PLXDC2: variants seen among roughly 807,000 people sequenced by gnomAD.
PLXDC2 encodes plexin domain containing 2, also known as plexin domain-containing protein 2.
In PLXDC2, 40 loss-of-function variants were observed where a neutral mutation model predicts 68.9. The ratio of observed to expected loss-of-function variants is 0.58; its 90% CI spans 0.45 to 0.76. PLXDC2 has a LOEUF of 0.76. PLXDC2 is among the 30% of genes least tolerant of loss of function. PLXDC2 has a pLI of 0.00. For synonymous variants in PLXDC2, 243 were observed against 234.2 expected, an observed-to-expected ratio of 1.04 and a Z score of -0.34; for missense variants, 644 against 661.9, an observed-to-expected ratio of 0.97 and a Z score of 0.30.
At chr10:20,168,337 G>C (rs1169289262) in intron 7 of PLXDC2, among the ~76,000 whole-genome samples, 1 of 152,102 alleles carries the variant, frequency 6.6e-6, no homozygotes, top group Non-Finnish European at 1.5e-5. Context: ...TTACCTAGCA[G>C]AGAGTAAGTA....
chr10:19,883,895 T>TTTTTTTTTTTTTTTTTTTTTTTTTTTTA (rs1837787812), intron 1 of PLXDC2, among the ~76,000 whole-genome samples: 1 of 118,506 alleles, frequency 8.4e-6, no homozygotes, highest in Non-Finnish European at 1.7e-5. Context: ...TTTTTTTTTT[T>TTTTTTTTTTTTTTTTTTTTTTTTTTTTA]TTTTTTTTTT....
intron 2 of PLXDC2, among the ~76,000 whole-genome samples, chr10:20,031,862 G>C (rs538798119): frequency 6.6e-6 from 1 of 151,844 alleles, no homozygotes; most frequent in African/African-American, 2.4e-5. Context: ...GTCTCACTCT[G>C]TCACTCATGC....
intron 4 of PLXDC2, among the ~76,000 whole-genome samples, chr10:20,097,019 C>T (rs1216275245): frequency 2.0e-5 from 3 of 152,050 alleles, no homozygotes; most frequent in Non-Finnish European, 4.4e-5. Context: ...TCTATCTATT[C>T]ATTTCTGTCG....
chr10:20,009,156 C>T (rs2131642839), intron 2 of PLXDC2, among the ~76,000 whole-genome samples: 1 of 152,292 alleles, frequency 6.6e-6, no homozygotes, highest in East Asian at 1.9e-4. Context: ...AGTAAGACAT[C>T]ATCCCATTTC....
intron 4 of PLXDC2, among the ~76,000 whole-genome samples, chr10:20,110,068 AG>A (rs1250240950): frequency 6.6e-6 from 1 of 152,220 alleles, no homozygotes; most frequent in Non-Finnish European, 1.5e-5. Flanking sequence ...CCAGAAAAAA[AG>A]ATGAAAAGTG....
chr10:19,979,184 A>G (rs551872192), intron 1 of PLXDC2, among the ~76,000 whole-genome samples: 1 of 152,270 alleles, frequency 6.6e-6, no homozygotes, highest in African/African-American at 2.4e-5. Context: ...ATAAGACTTT[A>G]AATGCTCCCA....
chr10:19,967,123 C>CT (rs1185298778), intron 1 of PLXDC2, among the ~76,000 whole-genome samples: 7 of 152,334 alleles, frequency 4.6e-5, no homozygotes, highest in Admixed American at 1.3e-4. Context: ...TTCCCCATCT[C>CT]TATCTAGAAA....
chr10:19,952,783 T>G (rs1219905340), intron 1 of PLXDC2, among the ~76,000 whole-genome samples: 1 of 152,242 alleles, frequency 6.6e-6, no homozygotes, highest in African/African-American at 2.4e-5. Flanking sequence ...TGTTACTTGC[T>G]TCGGATTTTC....
At chr10:20,054,750 G>A (rs923343350) in intron 3 of PLXDC2, among the ~76,000 whole-genome samples, 7 of 151,972 alleles carry the variant, frequency 4.6e-5, no homozygotes, top group Non-Finnish European at 1.0e-4. Flanking sequence ...TATACCTAAT[G>A]TTAAATGACG....
chr10:20,248,293 T>A (rs1263814072), intron 13 of PLXDC2, among the ~76,000 whole-genome samples: 1 of 152,194 alleles, frequency 6.6e-6, no homozygotes, highest in Non-Finnish European at 1.5e-5. Flanking sequence ...TCTCAGAGCC[T>A]GTATGTCCAT....
chr10:20,071,683 A>G (rs1836318309), intron 4 of PLXDC2, among the ~76,000 whole-genome samples: 1 of 152,208 alleles, frequency 6.6e-6, no homozygotes. Context: ...GTATGCCATG[A>G]GAAAAGACTA....
chr10:19,825,020 CA>C (rs1334293117), intron 1 of PLXDC2, among the ~76,000 whole-genome samples: 1 of 152,082 alleles, frequency 6.6e-6, no homozygotes, highest in Non-Finnish European at 1.5e-5. Flanking sequence ...GCCATCAAAC[CA>C]GATCTAAGCG....
intron 1 of PLXDC2, among the ~76,000 whole-genome samples, chr10:19,819,819 TTTG>T (rs1186962274): frequency 1.3e-5 from 2 of 152,176 alleles, no homozygotes; most frequent in Non-Finnish European, 2.9e-5. Flanking sequence ...ATTTGTAGAG[TTTG>T]TTATGAGAGT....
chr10:20,082,319 T>A (rs1036429089), intron 4 of PLXDC2, among the ~76,000 whole-genome samples: 2 of 151,892 alleles, frequency 1.3e-5, no homozygotes, highest in African/African-American at 4.8e-5. Context: ...CATACCTTTG[T>A]CAAGGGATGT....
intron 2 of PLXDC2, among the ~76,000 whole-genome samples, chr10:20,012,557 C>T (rs1391143149): frequency 6.6e-6 from 1 of 151,586 alleles, no homozygotes; most frequent in East Asian, 1.9e-4. Flanking sequence ...CACTCCTGAC[C>T]TCAGGTGATC....
At chr10:19,946,653 G>A (rs2131402659) in intron 1 of PLXDC2, among the ~76,000 whole-genome samples, 1 of 151,930 alleles carries the variant, frequency 6.6e-6, no homozygotes, top group Admixed American at 6.6e-5. Flanking sequence ...GGCGAGGGAG[G>A]GATGGTTTGG....
intron 3 of PLXDC2, among the ~76,000 whole-genome samples, chr10:20,055,343 T>C (rs1835978762): frequency 6.6e-6 from 1 of 152,158 alleles, no homozygotes; most frequent in African/African-American, 2.4e-5. Flanking sequence ...AATGTTTATG[T>C]TGGGATAAGT....
chr10:19,939,818 A>G (rs1043671936), intron 1 of PLXDC2, among the ~76,000 whole-genome samples: 7 of 149,720 alleles, frequency 4.7e-5, no homozygotes, highest in Admixed American at 3.9e-4. Context: ...TTGTTGGATG[A>G]CATGTGACAA....
chr10:20,242,808 C>A (rs982522908), intron 12 of PLXDC2, among the ~76,000 whole-genome samples: 9 of 152,160 alleles, frequency 5.9e-5, no homozygotes, highest in African/African-American at 1.9e-4. Context: ...CCTTCAGGTT[C>A]AAGCAATTCT....
Sources: allele counts gnomAD v4.1 joint callset (sites outside exome capture counted in the v4.1 genomes callset), GRCh38; gene constraint gnomAD v4.1.1; transcripts MANE v1.5; gene names NCBI Gene and HGNC (gene_info 2026-07-23, HGNC 2026-07-21).